TSHZ2: variants seen among roughly 807,000 people sequenced by gnomAD.
TSHZ2 encodes teashirt homolog 2.
TSHZ2 carries 21 observed loss-of-function variants against 74.4 expected under a neutral mutation model. That is an observed-to-expected ratio of 0.28 (90% confidence interval 0.20 to 0.41). The LOEUF (loss-of-function observed/expected upper bound fraction) is 0.41, where lower values mean the gene tolerates loss of function less well. Ranked by LOEUF, TSHZ2 falls within the 10% of genes least tolerant of loss-of-function variation. The pLI, the probability that TSHZ2 is intolerant of heterozygous loss-of-function variation, is 1.00. For missense variants in TSHZ2, 1,244 were observed against 1,293.5 expected, an observed-to-expected ratio of 0.96 and a Z score of 0.59; for synonymous variants, 540 against 515.3, an observed-to-expected ratio of 1.05 and a Z score of -0.65.
chr20:53,462,710 T>A (rs1412727055), intron 2 of TSHZ2, among the ~76,000 whole-genome samples: 2 of 152,166 alleles, frequency 1.3e-5, no homozygotes, highest in Admixed American at 1.3e-4. Context: ...AGGAAAGCCT[T>A]GAATTACTTT....
chr20:53,068,489 T>A (rs1383025020), intron 1 of TSHZ2, among the ~76,000 whole-genome samples: 1 of 152,166 alleles, frequency 6.6e-6, no homozygotes, highest in Non-Finnish European at 1.5e-5. Context: ...CCCTACTGCG[T>A]TACTTTTCTG....
At chr20:53,260,880 CTAAT>C (rs1212960497) in intron 2 of TSHZ2, among the ~76,000 whole-genome samples, 2 of 152,188 alleles carry the variant, frequency 1.3e-5, no homozygotes, top group Non-Finnish European at 2.9e-5. Context: ...TCAACTCTAA[CTAAT>C]TAATAATCCT....
At chr20:53,096,111 C>T (rs570180488) in intron 1 of TSHZ2, among the ~76,000 whole-genome samples, 1 of 152,266 alleles carries the variant, frequency 6.6e-6, no homozygotes, top group African/African-American at 2.4e-5. Context: ...CTCCTGTTAA[C>T]ACTAACACCT....
intron 1 of TSHZ2, among the ~76,000 whole-genome samples, chr20:53,017,330 T>C (rs962582243): frequency 2.6e-5 from 4 of 152,176 alleles, no homozygotes; most frequent in African/African-American, 9.7e-5. Flanking sequence ...ATGCTACAAG[T>C]CGTACTGAAA....
At chr20:53,387,841 G>A (rs1172194856) in intron 2 of TSHZ2, among the ~76,000 whole-genome samples, 1 of 152,112 alleles carries the variant, frequency 6.6e-6, no homozygotes, top group Admixed American at 6.6e-5. Flanking sequence ...GAGCTCAGGA[G>A]TTCGAGACCA....
At chr20:53,368,068 C>A (rs574027842) in intron 2 of TSHZ2, among the ~76,000 whole-genome samples, 1 of 152,034 alleles carries the variant, frequency 6.6e-6, no homozygotes, top group African/African-American at 2.4e-5. Context: ...TTTCCTCCCG[C>A]GCTGGGACAA....
At chr20:53,113,081 A>G (rs1242460849) in intron 1 of TSHZ2, among the ~76,000 whole-genome samples, 1 of 152,216 alleles carries the variant, frequency 6.6e-6, no homozygotes, top group Non-Finnish European at 1.5e-5. Context: ...ATATTTGATA[A>G]GCCCTCAGAT....
At chr20:53,407,332 C>A (rs372648892) in intron 2 of TSHZ2, among the ~76,000 whole-genome samples, 45 of 152,340 alleles carry the variant, frequency 3.0e-4, no homozygotes, top group African/African-American at 1.1e-3. Flanking sequence ...ACACAGTGGT[C>A]ATTTTTGCCC....
intron 1 of TSHZ2, among the ~76,000 whole-genome samples, chr20:53,047,471 C>T (rs1984269323): frequency 6.6e-6 from 1 of 152,060 alleles, no homozygotes; most frequent in Admixed American, 6.6e-5. Context: ...GGAAGGCAGG[C>T]CCCTCTTTTT....
chr20:53,281,691 T>C (rs1991064219), intron 2 of TSHZ2, among the ~76,000 whole-genome samples: 1 of 152,116 alleles, frequency 6.6e-6, no homozygotes, highest in Non-Finnish European at 1.5e-5. Flanking sequence ...AATCCCTGGT[T>C]TCTCAGGAAT....
At chr20:53,071,354 A>G (rs762484217) in intron 1 of TSHZ2, among the ~76,000 whole-genome samples, 3 of 152,246 alleles carry the variant, frequency 2.0e-5, no homozygotes, top group Non-Finnish European at 2.9e-5. Flanking sequence ...GCTTCTAAAC[A>G]TTGTTGAACC....
intron 1 of TSHZ2, among the ~76,000 whole-genome samples, chr20:53,112,456 ATCCT>A (rs1320807587): frequency 2.0e-5 from 3 of 152,046 alleles, no homozygotes; most frequent in African/African-American, 7.2e-5. Context: ...TACTTTTTCT[ATCCT>A]TCCTTCCAAT....
At chr20:53,370,586 C>A (rs1477011140) in intron 2 of TSHZ2, among the ~76,000 whole-genome samples, 3 of 151,992 alleles carry the variant, frequency 2.0e-5, no homozygotes, top group Non-Finnish European at 4.4e-5. Context: ...CATAGCAAGA[C>A]CCCATCTCTA....
At chr20:53,264,211 C>A (rs1047288401) in intron 2 of TSHZ2, among the ~76,000 whole-genome samples, 2 of 152,170 alleles carry the variant, frequency 1.3e-5, no homozygotes, top group African/African-American at 4.8e-5. Flanking sequence ...ATCCTCACAG[C>A]AAAACTGCAA....
chr20:53,060,183 A>G (rs971337147), intron 1 of TSHZ2, among the ~76,000 whole-genome samples: 3 of 152,222 alleles, frequency 2.0e-5, no homozygotes, highest in African/African-American at 7.2e-5. Flanking sequence ...ACGGCCATTA[A>G]GAAACTAAAG....
rs1265978378 is a variant in TSHZ2 at position 53,475,365 on chromosome 20, C to T, written c.*9-11779C>T. Among the ~76,000 whole-genome samples, 27 of 101,178 alleles carry T rather than the reference C, an allele frequency of 2.7e-4. 1 individual carries two copies. Among genetic ancestry groups the T allele is most frequent in the Admixed American group, 5.1e-4 (5 of 9,866 alleles). 66.4% of individuals were successfully genotyped at this position (101,178 alleles called of 152,430 possible). The stretch of plus-strand genomic sequence containing the variant: ...CAGGATTAAGAATCTCACTCAAAAC[C>T]GCTCAACTACATGGAAACTGAACAA... On this transcript the variant is annotated intron_variant, in intron 2 of 2. Transcript: ENST00000371497.
chr20:53,287,113 G>A (rs914236865), intron 2 of TSHZ2, among the ~76,000 whole-genome samples: 7 of 152,124 alleles, frequency 4.6e-5, no homozygotes, highest in African/African-American at 7.2e-5. Flanking sequence ...CTTGTCCTTC[G>A]TAGTAGGAAC....
chr20:53,362,628 C>G (rs1224538694), intron 2 of TSHZ2, among the ~76,000 whole-genome samples: 1 of 150,440 alleles, frequency 6.6e-6, no homozygotes, highest in Non-Finnish European at 1.5e-5. Context: ...GAGAGGCATT[C>G]GATTCTCTGA....
intron 2 of TSHZ2, among the ~76,000 whole-genome samples, chr20:53,325,127 T>C (rs547895355): frequency 6.6e-6 from 1 of 152,196 alleles, no homozygotes; most frequent in Non-Finnish European, 1.5e-5. Flanking sequence ...GAGATCCATG[T>C]TTTTCCACCA....
Sources: allele counts gnomAD v4.1 joint callset (sites outside exome capture counted in the v4.1 genomes callset), GRCh38; gene constraint gnomAD v4.1.1; transcripts MANE v1.5; gene names NCBI Gene and HGNC (gene_info 2026-07-23, HGNC 2026-07-21).